ITPR1: variants seen among roughly 807,000 people sequenced by gnomAD.
ITPR1 encodes inositol 1,4,5-trisphosphate-gated calcium channel ITPR1.
Under a neutral mutation model 318.4 loss-of-function variants are expected in ITPR1, and 96 were observed. The observed-to-expected ratio is 0.30, with a 90% CI of 0.26 to 0.36. The LOEUF (loss-of-function observed/expected upper bound fraction) is 0.36, where lower values mean the gene tolerates loss of function less well. Among genes scored for constraint, ITPR1 ranks in the 10% least tolerant of loss-of-function variants. The probability of loss-of-function intolerance (pLI) is 1.00; values close to 1 mark genes in which losing one functional copy is unlikely to be tolerated. For missense variants in ITPR1, 2,440 were observed against 3,460.2 expected (o/e 0.71, Z 7.40); for synonymous variants, 1,312 against 1,289.9 (o/e 1.02, Z -0.37).
chr3:4,497,053 C>T (rs2080639750), intron 2 of ITPR1, among the ~76,000 whole-genome samples: 1 of 44,998 alleles, frequency 2.2e-5, no homozygotes, highest in South Asian at 1.4e-3. Flanking sequence ...ACCAGAAGTC[C>T]ATGCAGTTTT....
At chr3:4,663,982 G>A (rs2093892353) in intron 16 of ITPR1, among the ~76,000 whole-genome samples, 1 of 152,180 alleles carries the variant, frequency 6.6e-6, no homozygotes, top group Non-Finnish European at 1.5e-5. Flanking sequence ...TGGCTTGATA[G>A]TTCAGTTCAA....
chr3:4,843,190 G>C (rs1486512708), intron 61 of ITPR1, among the ~76,000 whole-genome samples: 1 of 149,710 alleles, frequency 6.7e-6, no homozygotes, highest in Admixed American at 6.8e-5. Flanking sequence ...TTAAATGGCA[G>C]TGATGTTGAC....
At chr3:4,832,791 A>AT (rs1237130911) in intron 60 of ITPR1, among the ~76,000 whole-genome samples, 1 of 152,232 alleles carries the variant, frequency 6.6e-6, no homozygotes, top group African/African-American at 2.4e-5. Context: ...GGGTGGGGCC[A>AT]TCAAGTCCCA....
At chr3:4,547,281 A>T (rs1056691745) in intron 4 of ITPR1, among the ~76,000 whole-genome samples, 4 of 152,182 alleles carry the variant, frequency 2.6e-5, no homozygotes, top group African/African-American at 9.7e-5. Context: ...TATCACTTAC[A>T]TTTACTCATA....
At chr3:4,590,306 C>A (rs1233160228) in intron 4 of ITPR1, among the ~76,000 whole-genome samples, 1 of 149,134 alleles carries the variant, frequency 6.7e-6, no homozygotes, top group East Asian at 2.0e-4. Context: ...GAGACCTTAT[C>A]TGTCTTGTTG....
In ITPR1 at chr3:4,768,777, G is replaced by A. The variant is rs1235047967; in HGVS notation, c.5979+13G>A. The A allele has an allele frequency of 6.9e-6, 11 of 1,602,938 alleles. No individual in the cohort carries two copies. Among genetic ancestry groups the A allele is most frequent in the Non-Finnish European group, 9.4e-6 (11 of 1,171,610 alleles). ...CCGAGACCTGCAGGTGAGGGCCTGG[G>A]GGTGGGGGCGTGGAGGGAGCTCGGG... On this transcript the variant is annotated intron_variant, in intron 46 of 61. Transcript: ENST00000649015.
chr3:4,831,912 C>T (rs1319146726), intron 60 of ITPR1, among the ~76,000 whole-genome samples: 1 of 152,224 alleles, frequency 6.6e-6, no homozygotes, highest in African/African-American at 2.4e-5. Flanking sequence ...GATTTAGATT[C>T]TCTGTGCAGA....
chr3:4,702,934 G>A lies in ITPR1; in HGVS notation c.4641G>A (p.Arg1547=). 2 of 1,613,852 alleles carry A rather than the reference G, an allele frequency of 1.2e-6. No individual in the cohort carries two copies. The highest frequency in any genetic ancestry group is 1.7e-6 in the Non-Finnish European group (2 of 1,179,778). The change falls in exon 36 of 62, where the codon CGG becomes CGA. Residue 1547 remains arginine, a synonymous_variant. Transcript: ENST00000649015. ...SQKASVESCI[R]VLSDVAKSRA... ...AAGCCTCCGTGGAGAGCTGTATTCG[G>A]GTGCTGTCTGATGTAGGTAAGATAC... is the stretch of plus-strand genomic sequence containing the variant.
chr3:4,538,754 G>A (rs1289243434), intron 4 of ITPR1, among the ~76,000 whole-genome samples: 4 of 152,134 alleles, frequency 2.6e-5, no homozygotes, highest in African/African-American at 7.2e-5. Flanking sequence ...CAGGGACATG[G>A]ATGGAGCAAA....
At chr3:4,544,225 T>A (rs1394923521) in intron 4 of ITPR1, among the ~76,000 whole-genome samples, 1 of 152,218 alleles carries the variant, frequency 6.6e-6, no homozygotes, top group African/African-American at 2.4e-5. Context: ...GTGGAAATTG[T>A]TTGGGAGACA....
rs1237457924 is a variant in ITPR1 at position 4,691,240 on chromosome 3, A to G, written c.3925A>G (p.Ile1309Val). 6.8e-6 allele frequency: 11 copies of G among 1,612,880 alleles called. No homozygotes were observed. Among genetic ancestry groups the G allele is most frequent in the African/African-American group, 1.3e-5 (1 of 74,910 alleles). The stretch of plus-strand genomic sequence containing the variant: ...AGTTGTTCAGCACTTCGTTCACTGC[A>G]TAGAGACTCACGGTCGGAATGTCCA... ...ERVVQHFVHC[I>V]ETHGRNVQYI... Residue 1309 changes from isoleucine (I) to valine (V), a missense_variant, in exon 32 of 62, where the codon ATA becomes GTA. Ile to Val is a conservative substitution (Grantham distance 29, BLOSUM62 3). Coordinates refer to ENST00000649015, the MANE Select transcript of ITPR1 (RefSeq NM_001378452.1).
intron 10 of ITPR1, among the ~76,000 whole-genome samples, chr3:4,647,487 G>C (rs2093485936): frequency 1.3e-5 from 2 of 152,122 alleles, no homozygotes; most frequent in African/African-American, 4.8e-5. Flanking sequence ...GGTATGGCAT[G>C]GTATATATTC....
At chr3:4,677,981 AT>A (rs2125223279) in intron 24 of ITPR1, among the ~76,000 whole-genome samples, 1 of 152,238 alleles carries the variant, frequency 6.6e-6, no homozygotes, top group South Asian at 2.1e-4. Flanking sequence ...ACTTTTATTC[AT>A]CAACAAAATC....
chr3:4,583,551 A>G (rs987827263), intron 4 of ITPR1, among the ~76,000 whole-genome samples: 11 of 152,150 alleles, frequency 7.2e-5, no homozygotes, highest in African/African-American at 2.7e-4. Flanking sequence ...AATCCAGGCT[A>G]GTGGAATTGA....
At chr3:4,543,722 T>C (rs1260670616) in intron 4 of ITPR1, among the ~76,000 whole-genome samples, 1 of 152,178 alleles carries the variant, frequency 6.6e-6, no homozygotes, top group East Asian at 1.9e-4. Flanking sequence ...GGATTACAGG[T>C]GTGAGCCACC....
intron 33 of ITPR1, 76 bp downstream of exon 33, chr3:4,693,817 G>A: frequency 1.3e-6 from 2 of 1,491,154 alleles, no homozygotes; most frequent in Non-Finnish European, 1.8e-6. Context: ...GGGAGACATG[G>A]TGGTGGCTGG....
At chr3:4,832,481 A>T (rs1030888672) in intron 60 of ITPR1, among the ~76,000 whole-genome samples, 2 of 152,138 alleles carry the variant, frequency 1.3e-5, no homozygotes, top group African/African-American at 4.8e-5. Context: ...AAATACAAAA[A>T]TTAGCCAGGC....
At chr3:4,626,182 T>TTC (rs995053101) in intron 4 of ITPR1, among the ~76,000 whole-genome samples, 1 of 144,506 alleles carries the variant, frequency 6.9e-6, no homozygotes, top group African/African-American at 2.8e-5. Flanking sequence ...ACCCTAAACT[T>TTC]TCTGTGTGTG....
intron 30 of ITPR1, among the ~76,000 whole-genome samples, chr3:4,687,963 G>A (rs905436222): frequency 2.0e-5 from 3 of 152,172 alleles, no homozygotes; most frequent in East Asian, 1.9e-4. Context: ...AACTTAAAAA[G>A]GTGAACCCAA....
Sources: gnomAD v4.1 joint callset for allele counts (sites outside exome capture counted in the v4.1 genomes callset) on GRCh38, gnomAD v4.1.1 for gene constraint, MANE v1.5 for transcripts, NCBI Gene and HGNC (gene_info 2026-07-23, HGNC 2026-07-21) for gene names.